Variants in TRPV2 observed in about 807,000 individuals in gnomAD.
TRPV2 encodes the protein OTRPC2.
Under a neutral mutation model 91.0 loss-of-function variants are expected in TRPV2, and 58 were observed. The ratio of observed to expected loss-of-function variants is 0.64; its 90% CI spans 0.52 to 0.79. TRPV2 has a LOEUF of 0.79. TRPV2 is among the 30% of genes least tolerant of loss of function. TRPV2 has a pLI of 0.00. For synonymous variants in TRPV2, 417 were observed against 414.8 expected (o/e 1.01, Z -0.06); for missense variants, 807 against 969.6 (o/e 0.83, Z 2.23).
intron 12 of TRPV2, chr17:16,433,282 C>T (rs947828247): frequency 2.3e-5 from 7 of 302,374 alleles, no homozygotes; most frequent in Non-Finnish European, 3.8e-5. Flanking sequence ...GAGCCTGGAA[C>T]GATGTAAGAG....
chr17:16,427,838 C>T (rs969385689), intron 8 of TRPV2, among the ~76,000 whole-genome samples: 13 of 152,168 alleles, frequency 8.5e-5, no homozygotes, highest in Non-Finnish European at 1.9e-4. Flanking sequence ...CTAGCCAGGC[C>T]CCTCGGCTGG....
intron 4 of TRPV2, 50 bp downstream of exon 4, chr17:16,422,939 G>T (rs7225104): frequency 0.63 from 959,571 of 1,528,452 alleles, 308,310 homozygotes; most frequent in Non-Finnish European, 0.67. Flanking sequence ...AGTAAGGCCT[G>T]GTTCAAGGTC....
At chr17:16,425,674 CG>C (rs2093379667) in intron 5 of TRPV2, among the ~76,000 whole-genome samples, 1 of 152,146 alleles carries the variant, frequency 6.6e-6, no homozygotes, top group African/African-American at 2.4e-5. Flanking sequence ...ATTCCTCACG[CG>C]TGAAACCAGA....
At chr17:16,436,018 G>GC in intron 14 of TRPV2, among the ~76,000 whole-genome samples, 1 of 152,252 alleles carries the variant, frequency 6.6e-6, no homozygotes, top group South Asian at 2.1e-4. Context: ...CCTCGGGGCT[G>GC]CCCCAGCAGG....
Position 16,422,662 on chromosome 17 carries a change from C to A in TRPV2, c.398C>A (p.Ala133Asp), listed in dbSNP as rs768962087. The A allele has an allele frequency of 1.2e-5, 19 of 1,614,022 alleles. No homozygotes were observed. The highest frequency in any genetic ancestry group is 1.6e-5 in the Non-Finnish European group (19 of 1,179,970). ...AVLNLKDGVNACILPLLQIDR... is the reference protein window; with the variant it reads ...AVLNLKDGVNDCILPLLQIDR... ...CTGAACCTTAAGGACGGAGTCAATG[C>A]CTGCATTCTGCCACTGCTGCAGATC... The change falls in exon 4 of 15, where the codon GCC (alanine) becomes GAC (aspartate). Residue 133 changes from alanine (A) to aspartate (D), a missense_variant. Physicochemically the swap from Ala to Asp is moderately radical, Grantham distance 126. Coordinates refer to ENST00000338560, the MANE Select transcript of TRPV2 (RefSeq NM_016113.5).
At chr17:16,422,979 T>C in intron 4 of TRPV2, 90 bp downstream of exon 4, 1 of 1,442,350 alleles carries the variant, frequency 6.9e-7, no homozygotes, top group African/African-American at 1.4e-5. Context: ...GAGCTGGCAG[T>C]TAAACCTAGG....
intron 14 of TRPV2, 28 bp downstream of exon 14, chr17:16,434,997 G>A: frequency 1.3e-6 from 2 of 1,585,532 alleles, no homozygotes; most frequent in South Asian, 1.1e-5. Flanking sequence ...TAGAGCCTCT[G>A]CCCTGGGGTG....
At chr17:16,423,009 C>T in intron 4 of TRPV2, 120 bp downstream of exon 4, 1 of 1,234,762 alleles carries the variant, frequency 8.1e-7, no homozygotes. Flanking sequence ...CCCCGATGCC[C>T]TGCTTCTAAC....
At chr17:16,416,585 C>T (rs4792737) in intron 1 of TRPV2, 4,791 of 152,718 alleles carry the variant, frequency 0.031, 256 homozygotes, top group African/African-American at 0.11. Context: ...TAGGGGCCTC[C>T]CTCCCTTCGT....
rs1227199978 is a variant in TRPV2, at chr17:16,426,491, G to T, written c.1095+222G>T. Reference sequence around the variant, plus strand: ...CGGGGATCATGCCAAGGGCCTCGTGGCAACCATCCGGGTCCTCTCTGTTAA... The same window carrying T: ...CGGGGATCATGCCAAGGGCCTCGTGTCAACCATCCGGGTCCTCTCTGTTAA... On this transcript the variant is annotated intron_variant, in intron 6 of 14. Coordinates refer to ENST00000338560, the MANE Select transcript of TRPV2 (RefSeq NM_016113.5). The surrounding 1 kb of genome is among the most constrained non-coding windows in gnomAD (Gnocchi z 6.0). Among the ~76,000 whole-genome samples, 1 of 152,196 alleles carries T rather than the reference G, an allele frequency of 6.6e-6. No individual in the cohort carries two copies. Among genetic ancestry groups the T allele is most frequent in the Non-Finnish European group, 1.5e-5 (1 of 68,036 alleles).
intron 5 of TRPV2, among the ~76,000 whole-genome samples, chr17:16,425,296 T>C (rs1297961715): frequency 3.9e-5 from 6 of 152,194 alleles, no homozygotes; most frequent in Non-Finnish European, 7.3e-5. Context: ...AGTGCTGAGA[T>C]TACAGGCATG....
In TRPV2 at chr17:16,431,708, G is replaced by T. The variant is rs2093413341; in HGVS notation, c.1588-76G>T. On this transcript the variant is annotated intron_variant, in intron 10 of 14. Transcript: ENST00000338560. ...CAGTGTACACGGGAACCATGCTGCTGTGGGTGAGGCAGGGTTCTGGGGTCG... is the reference window on the plus strand; with the variant it reads ...CAGTGTACACGGGAACCATGCTGCTTTGGGTGAGGCAGGGTTCTGGGGTCG... The T allele has an allele frequency of 3.0e-6, 4 of 1,350,334 alleles. No individual in the cohort carries two copies. The Admixed American group carries it at 6.7e-5, about 23-fold the overall frequency. 83.6% of individuals were successfully genotyped at this position (1,350,334 alleles called of 1,614,324 possible). A position where few individuals can be genotyped will look rare whatever the true frequency, so the allele number is the denominator to read the frequency against.
chr17:16,436,723 C>A (rs999697802), intron 14 of TRPV2, 66 bp from the exon 15 acceptor site: 2 of 1,198,996 alleles, frequency 1.7e-6, no homozygotes, highest in Non-Finnish European at 2.5e-6. Flanking sequence ...GGCCCCGTTT[C>A]CCTGGTGCCT....
chr17:16,427,699 C>T, intron 8 of TRPV2, 152 bp downstream of exon 8: 2 of 707,538 alleles, frequency 2.8e-6, no homozygotes, highest in Non-Finnish European at 4.5e-6. Flanking sequence ...AGGTTCTGGC[C>T]TTGCCTTCTG....
intron 2 of TRPV2, chr17:16,419,351 G>A (rs1189506017): frequency 1.1e-5 from 5 of 470,928 alleles, no homozygotes; most frequent in Non-Finnish European, 2.2e-5. Flanking sequence ...TTCTCATTAG[G>A]TGTGCCTTCT....
chr17:16,431,695 G>A, intron 10 of TRPV2, 89 bp from the exon 11 acceptor site: 2 of 1,214,418 alleles, frequency 1.6e-6, no homozygotes, highest in South Asian at 1.2e-5. Context: ...GTGTACACGG[G>A]AACCATGCTG....
In TRPV2 at chr17:16,428,925, G is replaced by A; in HGVS notation, c.1530G>A (p.Leu510=). 2 of 1,614,186 alleles carry A rather than the reference G, an allele frequency of 1.2e-6. No individual in the cohort carries two copies. Among genetic ancestry groups the A allele is most frequent in the Non-Finnish European group, 1.7e-6 (2 of 1,180,026 alleles). Residue 510 remains leucine, a synonymous_variant, in exon 10 of 15, where the codon CTG becomes CTA. Coordinates refer to ENST00000338560, the MANE Select transcript of TRPV2 (RefSeq NM_016113.5). ...CGCTGGTGCTGGGCTGGCTGAACCTGCTTTACTATACACGTGGCTTCCAGC... is the reference window on the plus strand; with the variant it reads ...CGCTGGTGCTGGGCTGGCTGAACCTACTTTACTATACACGTGGCTTCCAGC... ...VSALVLGWLN[L]LYYTRGFQHT...
intron 8 of TRPV2, among the ~76,000 whole-genome samples, 181 bp downstream of exon 8, chr17:16,427,728 T>A (rs973539769): frequency 3.3e-5 from 5 of 152,188 alleles, no homozygotes; most frequent in Non-Finnish European, 7.4e-5. Flanking sequence ...GGAACCCCTC[T>A]GCTGTGCTTT....
chr17:16,431,256 CATAT>C (rs60066961), intron 10 of TRPV2, among the ~76,000 whole-genome samples: 6,614 of 67,706 alleles, frequency 0.098, 364 homozygotes, highest in African/African-American at 0.11. Flanking sequence ...TGATCTGAGA[CATAT>C]ATATATATAT....
Sources: allele counts gnomAD v4.1 joint callset (sites outside exome capture counted in the v4.1 genomes callset), GRCh38; gene constraint gnomAD v4.1.1; non-coding constraint Gnocchi (gnomAD v3.1); transcripts MANE v1.5; gene names NCBI Gene and HGNC (gene_info 2026-07-23, HGNC 2026-07-21).